Variants in GLIS3 observed in about 807,000 individuals in gnomAD.
The protein encoded by GLIS3 is GLIS family zinc finger 3.
A neutral mutation model predicts 78.6 loss-of-function variants in GLIS3; 53 were observed. The ratio of observed to expected loss-of-function variants is 0.67; its 90% CI spans 0.54 to 0.85. The LOEUF (loss-of-function observed/expected upper bound fraction) is 0.85. Ranked by LOEUF, GLIS3 falls within the 40% of genes least tolerant of loss-of-function variation. The pLI is 0.00. For missense variants in GLIS3, 1,703 were observed against 1,231.1 expected, an observed-to-expected ratio of 1.38 and a Z score of -5.74; for synonymous variants, 684 against 509.9, an observed-to-expected ratio of 1.34 and a Z score of -4.60.
chr9:4,059,829 T>TGTGTGTGTGTGTGTGAGAGAGA, intron 4 of GLIS3, among the ~76,000 whole-genome samples: 7 of 100,710 alleles, frequency 7.0e-5, no homozygotes, highest in South Asian at 4.0e-4. Context: ...TGTGTGTGTG[T>TGTGTGTGTGTGTGTGAGAGAGA]GAGAGAGAGA....
chr9:4,156,218 C>T (rs573905183), intron 2 of GLIS3, among the ~76,000 whole-genome samples: 9 of 152,190 alleles, frequency 5.9e-5, no homozygotes, highest in Admixed American at 2.0e-4. Flanking sequence ...ACTCTCCTCA[C>T]ATTCACATAG....
At chr9:4,368,438 G>A in the GLIS3 span, among the ~76,000 whole-genome samples, 11 of 151,070 alleles carry the variant, frequency 7.3e-5, no homozygotes, top group South Asian at 4.2e-4. Flanking sequence ...TCCGCTTCCC[G>A]GGTTCACGCC....
chr9:3,908,406 G>A (rs1823867695), intron 6 of GLIS3, among the ~76,000 whole-genome samples: 1 of 152,266 alleles, frequency 6.6e-6, no homozygotes, highest in East Asian at 1.9e-4. Flanking sequence ...CAACTCCAAG[G>A]CTCGGAAACC....
intron 2 of GLIS3, among the ~76,000 whole-genome samples, chr9:4,217,120 T>G (rs1820923222): frequency 6.6e-6 from 1 of 152,122 alleles, no homozygotes; most frequent in Non-Finnish European, 1.5e-5. Context: ...AACAATTAAA[T>G]GCGGTCTGGA....
the GLIS3 span, among the ~76,000 whole-genome samples, chr9:4,461,859 T>C: frequency 6.6e-6 from 1 of 152,180 alleles, no homozygotes; most frequent in Admixed American, 6.5e-5. Flanking sequence ...TTTGTTGTCG[T>C]CAAGCTCTGC....
chr9:3,907,478 T>C (rs1295172298), intron 6 of GLIS3, among the ~76,000 whole-genome samples: 4 of 152,118 alleles, frequency 2.6e-5, no homozygotes, highest in Non-Finnish European at 5.9e-5. Flanking sequence ...CAGAAACTAC[T>C]GATGCCCCAC....
chr9:4,338,088 A>G (rs918180562), intron 2 of GLIS3, among the ~76,000 whole-genome samples: 1 of 150,852 alleles, frequency 6.6e-6, no homozygotes, highest in Non-Finnish European at 1.5e-5. Flanking sequence ...CAAAAACTGT[A>G]TTTGTCCATA....
chr9:4,391,604 A>C, the GLIS3 span, among the ~76,000 whole-genome samples: 1 of 151,400 alleles, frequency 6.6e-6, no homozygotes, highest in South Asian at 2.1e-4. Flanking sequence ...TGAGATGGTC[A>C]GTTTATTCTA....
At chr9:4,490,381 G>T in the GLIS3 span, 2 of 204,626 alleles carry the variant, frequency 9.8e-6, no homozygotes, top group Admixed American at 1.2e-4. Flanking sequence ...TCCTTCCCGG[G>T]CCTGCCGCTC....
chr9:4,261,890 T>C (rs888659999), intron 2 of GLIS3, among the ~76,000 whole-genome samples: 1 of 152,166 alleles, frequency 6.6e-6, no homozygotes, highest in Non-Finnish European at 1.5e-5. Flanking sequence ...GAGCCAATTA[T>C]AGCACATCGC....
In GLIS3 at chr9:4,207,252, G is replaced by A. The variant is rs112361884; in HGVS notation, c.388+78786C>T. Reference sequence around the variant, plus strand: ...CCCCTTCGTCCCCACACTATGCAGAGGGAAGGTGGACTCTGCCAGCCCCAC... The same window carrying A: ...CCCCTTCGTCCCCACACTATGCAGAAGGAAGGTGGACTCTGCCAGCCCCAC... On this transcript the variant is annotated intron_variant, in intron 2 of 10. Coordinates refer to ENST00000381971, the MANE Select transcript of GLIS3 (RefSeq NM_001042413.2). Among the ~76,000 whole-genome samples, 1,127 of 152,272 alleles carry A rather than the reference G, an allele frequency of 7.4e-3. 23 individuals carry two copies. The highest frequency in any genetic ancestry group is 0.026 in the African/African-American group (1,083 of 41,558).
the GLIS3 span, among the ~76,000 whole-genome samples, chr9:4,398,985 C>A: frequency 6.6e-6 from 1 of 152,214 alleles, no homozygotes; most frequent in East Asian, 1.9e-4. Context: ...CCGTACCCAG[C>A]CTGCTCAAGT....
chr9:3,880,305 C>T (rs1821641617), intron 7 of GLIS3, among the ~76,000 whole-genome samples: 1 of 152,176 alleles, frequency 6.6e-6, no homozygotes, highest in Non-Finnish European at 1.5e-5. Context: ...GGCAGCCTAG[C>T]CTTCGAGAAC....
chr9:4,174,790 A>G (rs989815607), intron 2 of GLIS3, among the ~76,000 whole-genome samples: 1 of 152,242 alleles, frequency 6.6e-6, no homozygotes, highest in Non-Finnish European at 1.5e-5. Context: ...AGGAGGCAGT[A>G]CACGTTGATT....
At chr9:3,943,442 C>A (rs1816080894) in intron 4 of GLIS3, among the ~76,000 whole-genome samples, 1 of 152,190 alleles carries the variant, frequency 6.6e-6, no homozygotes, top group African/African-American at 2.4e-5. Context: ...TTGTCCTTAA[C>A]AGGGCACTGA....
chr9:4,452,427 C>G, the GLIS3 span, among the ~76,000 whole-genome samples: 2 of 152,138 alleles, frequency 1.3e-5, no homozygotes, highest in African/African-American at 4.8e-5. Flanking sequence ...GGAAACCCCA[C>G]TGTCTCAGCC....
the GLIS3 span, among the ~76,000 whole-genome samples, chr9:4,354,158 G>C: frequency 0.012 from 1,899 of 152,198 alleles, 48 homozygotes; most frequent in African/African-American, 0.043. Context: ...ATTCTTGATA[G>C]CCAAGAGGGC....
intron 2 of GLIS3, among the ~76,000 whole-genome samples, chr9:4,191,230 C>T (rs1321666707): frequency 6.6e-6 from 1 of 151,860 alleles, no homozygotes; most frequent in Admixed American, 6.6e-5. Context: ...TTAAAAGACA[C>T]AGACTGGCAA....
intron 6 of GLIS3, among the ~76,000 whole-genome samples, chr9:3,903,340 A>G (rs1823448654): frequency 6.6e-6 from 1 of 152,244 alleles, no homozygotes; most frequent in East Asian, 1.9e-4. Flanking sequence ...ACCTGCTGTT[A>G]GCAGAGAGCA....
Sources: allele counts gnomAD v4.1 joint callset (sites outside exome capture counted in the v4.1 genomes callset), GRCh38; gene constraint gnomAD v4.1.1; transcripts MANE v1.5; gene names NCBI Gene and HGNC (gene_info 2026-07-23, HGNC 2026-07-21).